ST8SIA5: variants seen among roughly 807,000 people sequenced by gnomAD.
The protein encoded by ST8SIA5 is alpha-2,8-sialyltransferase 8E.
In ST8SIA5, 24 loss-of-function variants were observed where a neutral mutation model predicts 40.2. The ratio of observed to expected loss-of-function variants is 0.60; its 90% CI spans 0.43 to 0.84. ST8SIA5 has a LOEUF of 0.84. Among genes scored for constraint, ST8SIA5 ranks in the 40% least tolerant of loss-of-function variants. The pLI, the probability that ST8SIA5 is intolerant of heterozygous loss-of-function variation, is 0.00. For missense variants in ST8SIA5, 465 were observed against 498.5 expected, an observed-to-expected ratio of 0.93 and a Z score of 0.64; for synonymous variants, 198 against 201.8, an observed-to-expected ratio of 0.98 and a Z score of 0.16.
rs115360816 is a variant in ST8SIA5 at position 46,721,350 on chromosome 18, C to T, written c.132-16686G>A. 5.1e-4 allele frequency: 781 copies of T among 1,535,888 alleles called. 6 individuals are homozygous for T. The African/African-American group carries it at 9.4e-3, about 18-fold the overall frequency. ...CTTCCCCCACTCCCTGGCCTTTTGC[C>T]GGGGTCTGTACCTGGAGCTGGAGTC... is the stretch of plus-strand genomic sequence containing the variant. On this transcript the variant is annotated intron_variant, in intron 1 of 6. Transcript: ENST00000315087.
intron 6 of ST8SIA5, 97 bp from the exon 7 acceptor site, chr18:46,680,607 G>C: frequency 7.6e-7 from 1 of 1,313,570 alleles, no homozygotes; most frequent in South Asian, 1.5e-5. Context: ...GCAAAGGACG[G>C]AAGGGACTCA....
At chr18:46,696,105 G>A (rs887876417) in intron 2 of ST8SIA5, among the ~76,000 whole-genome samples, 2 of 152,214 alleles carry the variant, frequency 1.3e-5, no homozygotes, top group Non-Finnish European at 2.9e-5. Flanking sequence ...ACACAGGAGT[G>A]AGCTGTGCAA....
intron 1 of ST8SIA5, among the ~76,000 whole-genome samples, chr18:46,712,366 C>G (rs1289777519): frequency 6.6e-6 from 1 of 152,234 alleles, no homozygotes. Flanking sequence ...CCAACTCTCA[C>G]CACTTCTCCT....
chr18:46,710,437 T>C (rs12970150), intron 1 of ST8SIA5, among the ~76,000 whole-genome samples: 1 of 145,904 alleles, frequency 6.9e-6, no homozygotes, highest in Non-Finnish European at 1.5e-5. Context: ...CTCTCTTTCT[T>C]TTTCTTTTTC....
intron 1 of ST8SIA5, among the ~76,000 whole-genome samples, chr18:46,743,156 C>T (rs777096878): frequency 1.4e-4 from 21 of 152,190 alleles, no homozygotes; most frequent in Admixed American, 3.9e-4. Context: ...GCCTCTTCCC[C>T]TCCAAAGGAT....
chr18:46,737,541 G>A (rs558675738), intron 1 of ST8SIA5, among the ~76,000 whole-genome samples: 48 of 152,312 alleles, frequency 3.2e-4, no homozygotes, highest in African/African-American at 1.2e-3. Context: ...AACAATTAGT[G>A]TCAGGCACTG....
At chr18:46,725,050 A>AGG (rs1555696857) in intron 1 of ST8SIA5, among the ~76,000 whole-genome samples, 200 of 149,786 alleles carry the variant, frequency 1.3e-3, no homozygotes, top group African/African-American at 4.7e-3. Context: ...GAAGGAAGGA[A>AGG]AAGAGAGAAA....
At chr18:46,726,014 G>T (rs2039924430) in intron 1 of ST8SIA5, among the ~76,000 whole-genome samples, 1 of 36,374 alleles carries the variant, frequency 2.7e-5, no homozygotes, top group Non-Finnish European at 4.9e-5. Flanking sequence ...TATATATCCT[G>T]GATATATATA....
chr18:46,680,833 TG>T (rs2039387207), intron 6 of ST8SIA5, among the ~76,000 whole-genome samples: 1 of 152,068 alleles, frequency 6.6e-6, no homozygotes, highest in African/African-American at 2.4e-5. Flanking sequence ...GCTGCGGGAG[TG>T]GAGGCTTGCT....
chr18:46,750,789 C>T (rs1277594094), intron 1 of ST8SIA5, among the ~76,000 whole-genome samples: 1 of 152,140 alleles, frequency 6.6e-6, no homozygotes, highest in Non-Finnish European at 1.5e-5. Context: ...TGCAGACATC[C>T]TTCAAGGCTC....
chr18:46,685,911 T>C (rs2039441523), intron 5 of ST8SIA5: 1 of 471,336 alleles, frequency 2.1e-6, no homozygotes, highest in Admixed American at 3.3e-5. Flanking sequence ...AGCTCCTAAG[T>C]CCTCAGTGCC....
chr18:46,741,505 A>G (rs11082554), intron 1 of ST8SIA5, among the ~76,000 whole-genome samples: 1 of 152,220 alleles, frequency 6.6e-6, no homozygotes, highest in African/African-American at 2.4e-5. Flanking sequence ...TACAGAGAAT[A>G]AAGTTTTAAC....
At chr18:46,729,650 G>A (rs1455033771) in intron 1 of ST8SIA5, among the ~76,000 whole-genome samples, 2 of 152,208 alleles carry the variant, frequency 1.3e-5, no homozygotes, top group African/African-American at 4.8e-5. Context: ...ACCAGGCAGG[G>A]AGGGGTATGA....
chr18:46,706,036 C>A (rs1351698590), intron 1 of ST8SIA5, among the ~76,000 whole-genome samples: 2 of 151,878 alleles, frequency 1.3e-5, no homozygotes, highest in African/African-American at 4.8e-5. Flanking sequence ...TTATTATTAT[C>A]ATTGTATTTG....
intron 1 of ST8SIA5, among the ~76,000 whole-genome samples, chr18:46,754,679 TA>T (rs1250198493): frequency 2.0e-5 from 3 of 152,244 alleles, no homozygotes; most frequent in Non-Finnish European, 4.4e-5. Flanking sequence ...TCCTGGCAGC[TA>T]GCCCACCCAC....
Position 46,672,990 on chromosome 18 carries a change from T to C in ST8SIA5, c.*7052A>G, listed in dbSNP as rs2039317965. ...AGTCATCAGAAAGACAAATATTATA[T>C]GATTCTACTTATATGAGGGACCTAG... On this transcript the variant is annotated 3_prime_UTR_variant, in exon 7 of 7. Transcript: ENST00000315087. The C allele has an allele frequency of 6.6e-6, 1 of 152,250 alleles. No individual in the cohort carries two copies. The highest frequency in any genetic ancestry group is 1.5e-5 in the Non-Finnish European group (1 of 68,038). The allele number at this position is 152,250 out of a possible 1,614,324, so 9.4% of individuals were successfully genotyped here. A position where few individuals can be genotyped will look rare whatever the true frequency, so the allele number is the denominator to read the frequency against.
chr18:46,748,290 G>A (rs75363499), intron 1 of ST8SIA5, among the ~76,000 whole-genome samples: 11,754 of 151,938 alleles, frequency 0.077, 816 homozygotes, highest in East Asian at 0.31. Context: ...CTGGCTGGGC[G>A]TGGTGGCTCA....
At position 46,756,496 on chromosome 18, in the gene ST8SIA5, C is replaced by G; in HGVS notation, c.13G>C (p.Asp5His). 1 of 1,612,574 alleles carries G rather than the reference C, an allele frequency of 6.2e-7. No homozygotes were observed. The highest frequency in any genetic ancestry group is 8.5e-7 in the Non-Finnish European group (1 of 1,179,026). Residue 5 changes from aspartate (D) to histidine (H), a missense_variant, in exon 1 of 7, where the codon GAC becomes CAC. Coordinates refer to ENST00000315087, the MANE Select transcript of ST8SIA5 (RefSeq NM_013305.6). MRYADPSANRDLLGS... is the reference protein window; with the variant it reads MRYAHPSANRDLLGS... Reference sequence around the variant, plus strand: ...AACAAATCCCGGTTGGCCGAGGGGTCCGCGTAGCGCATCCTGGCTACCGGG... The same window carrying G: ...AACAAATCCCGGTTGGCCGAGGGGTGCGCGTAGCGCATCCTGGCTACCGGG...
At chr18:46,691,964 G>A in intron 3 of ST8SIA5, 4 of 590,902 alleles carry the variant, frequency 6.8e-6, no homozygotes, top group East Asian at 5.8e-5. Context: ...AGAGAAGGTG[G>A]AGGATAGCAC....
Sources: allele counts gnomAD v4.1 joint callset (sites outside exome capture counted in the v4.1 genomes callset), GRCh38; gene constraint gnomAD v4.1.1; transcripts MANE v1.5; gene names NCBI Gene and HGNC (gene_info 2026-07-23, HGNC 2026-07-21).